Variants in NAV2 observed in about 807,000 individuals in gnomAD.
The protein encoded by NAV2 is helicase, APC down-regulated 1.
In NAV2, 54 loss-of-function variants were observed where a neutral mutation model predicts 223.2. That is an observed-to-expected ratio of 0.24 (90% CI 0.19 to 0.30). The LOEUF (loss-of-function observed/expected upper bound fraction) is 0.30. NAV2 is among the 10% of genes least tolerant of loss of function. The pLI is 1.00. For synonymous variants in NAV2, 1,279 were observed against 1,239.3 expected, an observed-to-expected ratio of 1.03 and a Z score of -0.67; for missense variants, 2,806 against 3,147.5, an observed-to-expected ratio of 0.89 and a Z score of 2.60.
chr11:19,895,037 T>G (rs2041838222), intron 6 of NAV2, among the ~76,000 whole-genome samples: 1 of 151,834 alleles, frequency 6.6e-6, no homozygotes, highest in African/African-American at 2.4e-5. Context: ...GCTATCATAC[T>G]TATTTATTAA....
rs780204945 is a variant in NAV2, at chr11:20,044,490, A to G, written c.3199+218A>G. 5.9e-5 allele frequency among the ~76,000 whole-genome samples: 9 copies of G among 152,250 alleles called. 1 individual carries two copies. The highest frequency in any genetic ancestry group is 1.0e-4 in the Non-Finnish European group (7 of 68,050). ...CTGAAGATGGTTCGGCTGCTGAGACATACTGAATTGGTTTAACTAGACACT... is the reference window on the plus strand; with the variant it reads ...CTGAAGATGGTTCGGCTGCTGAGACGTACTGAATTGGTTTAACTAGACACT... On this transcript the variant is annotated intron_variant, in intron 13 of 37. Transcript: ENST00000349880.
intron 1 of NAV2, among the ~76,000 whole-genome samples, chr11:19,687,237 G>A: frequency 6.6e-6 from 1 of 152,182 alleles, no homozygotes; most frequent in South Asian, 2.1e-4. Context: ...GGTAGCCCTG[G>A]GAGCCATACA....
intron 10 of NAV2, among the ~76,000 whole-genome samples, chr11:19,983,201 A>G (rs1221872316): frequency 6.6e-6 from 1 of 152,166 alleles, no homozygotes; most frequent in African/African-American, 2.4e-5. Flanking sequence ...AAGCCAAGGT[A>G]GATATGAGGT....
At chr11:19,861,388 C>A (rs2153020173) in intron 3 of NAV2, among the ~76,000 whole-genome samples, 1 of 151,424 alleles carries the variant, frequency 6.6e-6, no homozygotes, top group Admixed American at 6.6e-5. Context: ...TCACCAGGGG[C>A]CAACCCAAGA....
At chr11:19,840,329 G>A (rs2060442734) in intron 2 of NAV2, among the ~76,000 whole-genome samples, 1 of 152,202 alleles carries the variant, frequency 6.6e-6, no homozygotes, top group African/African-American at 2.4e-5. Flanking sequence ...GGGTTTAGGT[G>A]ACAGACCATG....
intron 14 of NAV2, among the ~76,000 whole-genome samples, chr11:20,048,293 A>T (rs1222249538): frequency 6.6e-6 from 1 of 152,186 alleles, no homozygotes; most frequent in East Asian, 1.9e-4. Context: ...CAAATCCCTT[A>T]GAGTTGAGCT....
At chr11:19,402,973 G>A (rs566843364) in intron 1 of NAV2, among the ~76,000 whole-genome samples, 55 of 152,344 alleles carry the variant, frequency 3.6e-4, no homozygotes, top group African/African-American at 1.1e-3. Flanking sequence ...TAATGCAATC[G>A]GGAGTGGCGG....
chr11:19,946,055 G>T (rs531492668), intron 8 of NAV2, among the ~76,000 whole-genome samples: 1 of 152,334 alleles, frequency 6.6e-6, no homozygotes, highest in South Asian at 2.1e-4. Flanking sequence ...TTTTGCATGG[G>T]TAGAAAATGA....
At chr11:19,367,626 C>G (rs1261761269) in intron 1 of NAV2, among the ~76,000 whole-genome samples, 1 of 152,176 alleles carries the variant, frequency 6.6e-6, no homozygotes, top group Non-Finnish European at 1.5e-5. Flanking sequence ...ATCTCTGCCT[C>G]TCACTGGGAT....
chr11:20,030,831 T>C (rs763855530), intron 11 of NAV2, among the ~76,000 whole-genome samples: 3 of 152,234 alleles, frequency 2.0e-5, no homozygotes, highest in Non-Finnish European at 4.4e-5. Context: ...AAAAAATCAA[T>C]AGTCATTTAA....
At chr11:19,558,865 C>T (rs191695564) in intron 1 of NAV2, among the ~76,000 whole-genome samples, 1 of 152,314 alleles carries the variant, frequency 6.6e-6, no homozygotes, top group East Asian at 1.9e-4. Context: ...AGGTGCCATA[C>T]AGGGCCATTC....
chr11:19,346,112 C>T (rs995932238), upstream of NAV2, among the ~76,000 whole-genome samples: 21 of 152,150 alleles, frequency 1.4e-4, no homozygotes, highest in African/African-American at 5.1e-4. Context: ...TTTCTAGCTA[C>T]GTCTGTCTCC....
chr11:19,751,357 T>C (rs530817108), intron 1 of NAV2, among the ~76,000 whole-genome samples: 1 of 152,102 alleles, frequency 6.6e-6, no homozygotes, highest in South Asian at 2.1e-4. Context: ...AGATGATGAG[T>C]AGGAGAAAGC....
At position 20,118,120 on chromosome 11, in the gene NAV2, A is replaced by C; in HGVS notation, c.7165-13A>C. The C allele has an allele frequency of 6.2e-7, 1 of 1,611,992 alleles. No homozygotes were observed. The highest frequency in any genetic ancestry group is 8.5e-7 in the Non-Finnish European group (1 of 1,179,246). On this transcript the variant is annotated splice_polypyrimidine_tract_variant and intron_variant, in intron 37 of 37. Coordinates refer to ENST00000349880, the MANE Select transcript of NAV2 (RefSeq NM_145117.5). ...GACAGAAAGCAGCTCATGCTTCTCC[A>C]CTCTTCCCCTAGATGAACATGCTGA...
chr11:19,997,662 G>A (rs1000657468), intron 11 of NAV2, among the ~76,000 whole-genome samples: 1 of 152,150 alleles, frequency 6.6e-6, no homozygotes, highest in Non-Finnish European at 1.5e-5. Context: ...GGGTTACATA[G>A]GCAGAGAGTG....
chr11:20,111,775 C>A (rs2153721253), intron 36 of NAV2, among the ~76,000 whole-genome samples: 1 of 152,330 alleles, frequency 6.6e-6, no homozygotes, highest in African/African-American at 2.4e-5. Context: ...GCCTTGGGTT[C>A]TCCATCTATA....
At chr11:19,501,702 A>G (rs1478092394) in intron 1 of NAV2, among the ~76,000 whole-genome samples, 1 of 151,864 alleles carries the variant, frequency 6.6e-6, no homozygotes. Context: ...GTGTAAAGAT[A>G]CTAGATACTG....
intron 36 of NAV2, among the ~76,000 whole-genome samples, chr11:20,108,198 G>T (rs989720525): frequency 6.6e-6 from 1 of 152,166 alleles, no homozygotes; most frequent in East Asian, 1.9e-4. Context: ...CAGAAATTTG[G>T]TTTTTTACTC....
chr11:19,784,412 A>AT lies in NAV2; in HGVS notation c.268-48072_268-48071insT, dbSNP rs1565310960. ...TTAAAAAAAAAAAAAAAAAAAAAAA[A>AT]AAAAGAGGGGCTTTATTGCAAAAGT... is the stretch of plus-strand genomic sequence containing the variant. On this transcript the variant is annotated intron_variant, in intron 1 of 37. Transcript: ENST00000349880. Among the ~76,000 whole-genome samples the AT allele has an allele frequency of 7.8e-4, 117 of 149,626 alleles. 1 individual carries two copies. Among genetic ancestry groups the AT allele is most frequent in the African/African-American group, 2.8e-3 (115 of 40,846 alleles).
Sources: gnomAD v4.1 joint callset for allele counts (sites outside exome capture counted in the v4.1 genomes callset) on GRCh38, gnomAD v4.1.1 for gene constraint, MANE v1.5 for transcripts, NCBI Gene and HGNC (gene_info 2026-07-23, HGNC 2026-07-21) for gene names.